GABRA5: variants seen among roughly 807,000 people sequenced by gnomAD.
GABRA5 encodes the protein gamma-aminobutyric acid receptor subunit alpha-5.
In GABRA5, 18 loss-of-function variants were observed where a neutral mutation model predicts 47.3. The ratio of observed to expected loss-of-function variants is 0.38; its 90% confidence interval spans 0.26 to 0.56. The LOEUF is 0.56. Ranked by LOEUF, GABRA5 falls within the 20% of genes least tolerant of loss-of-function variation. The probability of loss-of-function intolerance (pLI) is 0.71; values close to 1 mark genes in which losing one functional copy is unlikely to be tolerated. For synonymous variants in GABRA5, 237 were observed against 229.3 expected (o/e 1.03, Z -0.30); for missense variants, 365 against 599.3 (o/e 0.61, Z 4.08).
At chr15:26,943,052 C>T (rs1266919285) in intron 9 of GABRA5, among the ~76,000 whole-genome samples, 163 bp from the exon 10 acceptor site, 1 of 152,144 alleles carries the variant, frequency 6.6e-6, no homozygotes, top group Non-Finnish European at 1.5e-5. Context: ...CCACTGCACT[C>T]CAGCCTGGGC....
At chr15:26,907,377 G>A (rs1893469917) in intron 6 of GABRA5, among the ~76,000 whole-genome samples, 3 of 152,156 alleles carry the variant, frequency 2.0e-5, no homozygotes, top group African/African-American at 7.2e-5. Context: ...GTATAAAATA[G>A]GTCAATGTAC....
At chr15:26,944,757 G>A (rs1335104321) in intron 10 of GABRA5, among the ~76,000 whole-genome samples, 1 of 152,182 alleles carries the variant, frequency 6.6e-6, no homozygotes, top group Non-Finnish European at 1.5e-5. Context: ...TTGCTGGAAG[G>A]TGCTTGTTTG....
chr15:26,935,686 C>T (rs952477866), intron 7 of GABRA5, among the ~76,000 whole-genome samples: 1 of 152,200 alleles, frequency 6.6e-6, no homozygotes, highest in African/African-American at 2.4e-5. Context: ...CTCATGTCCT[C>T]AGTCTGCCTC....
chr15:26,887,223 A>T (rs1032135224), intron 6 of GABRA5, among the ~76,000 whole-genome samples: 1 of 152,246 alleles, frequency 6.6e-6, no homozygotes, highest in Non-Finnish European at 1.5e-5. Flanking sequence ...AAATTTGGTA[A>T]ATTTTTCAAA....
At chr15:26,904,943 C>T (rs1463202970) in intron 6 of GABRA5, among the ~76,000 whole-genome samples, 1 of 152,072 alleles carries the variant, frequency 6.6e-6, no homozygotes, top group Non-Finnish European at 1.5e-5. Context: ...TTAGGATGTC[C>T]TTTATTTCTT....
intron 6 of GABRA5, among the ~76,000 whole-genome samples, chr15:26,895,779 C>T (rs892680955): frequency 6.9e-6 from 1 of 144,352 alleles, no homozygotes; most frequent in Non-Finnish European, 1.5e-5. Context: ...CGCCACCGCA[C>T]ACTCCAGCCT....
At chr15:26,877,507 G>T (rs759278797) in intron 3 of GABRA5, among the ~76,000 whole-genome samples, 4 of 152,184 alleles carry the variant, frequency 2.6e-5, no homozygotes, top group Non-Finnish European at 4.4e-5. Context: ...CCAGTTCAAG[G>T]TCCAAAGTAA....
At chr15:26,894,701 T>G (rs1893135797) in intron 6 of GABRA5, among the ~76,000 whole-genome samples, 1 of 152,124 alleles carries the variant, frequency 6.6e-6, no homozygotes, top group African/African-American at 2.4e-5. Flanking sequence ...ATGTAGCGCC[T>G]GGCGGTGTGC....
chr15:26,893,423 TATGGTGTGTGGC>T (rs1893088100), intron 6 of GABRA5, among the ~76,000 whole-genome samples: 1 of 151,366 alleles, frequency 6.6e-6, no homozygotes, highest in Non-Finnish European at 1.5e-5. Context: ...GTTGTGTGTG[TATGGTGTGTGGC>T]GTGTGTGTGA....
In GABRA5 at chr15:26,880,924, G is replaced by T; in HGVS notation, c.165G>T (p.Gly55=). ...NITIFTRILD[G]LLDGYDNRLR... Reference sequence around the variant, plus strand: ...CGATATTTACCAGGATCTTGGATGGGCTCTTGGATGGCTACGACAACAGAC... The same window carrying T: ...CGATATTTACCAGGATCTTGGATGGTCTCTTGGATGGCTACGACAACAGAC... Residue 55 remains glycine, a synonymous_variant, in exon 4 of 11, where the codon GGG becomes GGT. Transcript: ENST00000335625. 1 of 1,613,960 alleles carries T rather than the reference G, an allele frequency of 6.2e-7. No homozygotes were observed. The highest frequency in any genetic ancestry group is 8.5e-7 in the Non-Finnish European group (1 of 1,179,876).
At chr15:26,910,070 G>GTTTT (rs5811464) in intron 6 of GABRA5, among the ~76,000 whole-genome samples, 1 of 150,992 alleles carries the variant, frequency 6.6e-6, no homozygotes, top group Non-Finnish European at 1.5e-5. Flanking sequence ...TGAAATAAAT[G>GTTTT]TTTTTTTTTC....
At chr15:26,913,276 C>T (rs1278174895) in intron 6 of GABRA5, among the ~76,000 whole-genome samples, 1 of 152,026 alleles carries the variant, frequency 6.6e-6, no homozygotes, top group African/African-American at 2.4e-5. Flanking sequence ...CTGTGAGTCA[C>T]TCCATCTTTG....
Position 26,867,928 on chromosome 15 carries a change from G to A in GABRA5, c.-139-801G>A, listed in dbSNP as rs1227156707. On this transcript the variant is annotated intron_variant, in intron 1 of 10. Transcript: ENST00000335625. The surrounding 1 kb of genome is among the most constrained non-coding windows in gnomAD (Gnocchi z 5.9). ...AGCGCTTGGCTCGTACCCGGGGCAG[G>A]AGCAGGGGAAGTCTGCGAAAGCCGG... is the stretch of plus-strand genomic sequence containing the variant. The A allele has an allele frequency of 2.0e-5, 3 of 152,122 alleles. No homozygotes were observed. The highest frequency in any genetic ancestry group is 7.2e-5 in the African/African-American group (3 of 41,428). The allele number at this position is 152,122 out of a possible 1,614,324, so 9.4% of individuals were successfully genotyped here.
At chr15:26,927,197 G>A (rs1265253739) in intron 7 of GABRA5, among the ~76,000 whole-genome samples, 4 of 151,436 alleles carry the variant, frequency 2.6e-5, no homozygotes, top group African/African-American at 4.9e-5. Context: ...TCCCCCTCCC[G>A]GGTTCAAGGG....
chr15:26,899,944 C>T (rs1392064189), intron 6 of GABRA5, among the ~76,000 whole-genome samples: 1 of 151,992 alleles, frequency 6.6e-6, no homozygotes, highest in African/African-American at 2.4e-5. Context: ...TTCTATATTG[C>T]TTATTCATTT....
intron 7 of GABRA5, among the ~76,000 whole-genome samples, chr15:26,920,443 A>G (rs760732240): frequency 9.9e-5 from 15 of 151,642 alleles, no homozygotes; most frequent in Admixed American, 2.0e-4. Flanking sequence ...TAACTCCGTG[A>G]TTTCTTTCTG....
At chr15:26,938,100 C>T (rs543940988) in intron 8 of GABRA5, among the ~76,000 whole-genome samples, 1 of 152,374 alleles carries the variant, frequency 6.6e-6, no homozygotes, top group South Asian at 2.1e-4. Context: ...GCTCTGTCAG[C>T]ATAGCTGATT....
At chr15:26,933,569 A>C (rs1321645631) in intron 7 of GABRA5, among the ~76,000 whole-genome samples, 2 of 152,170 alleles carry the variant, frequency 1.3e-5, no homozygotes, top group Non-Finnish European at 2.9e-5. Flanking sequence ...CATTAAGTTC[A>C]TAAATAGTAA....
rs902592448 is a variant in GABRA5 at position 26,876,790 on chromosome 15, C to T, written c.87-4056C>T. Among the ~76,000 whole-genome samples, 8 of 152,042 alleles carry T rather than the reference C, an allele frequency of 5.3e-5. No individual in the cohort carries two copies. The East Asian group carries it at 5.8e-4, about 11-fold the overall frequency. On this transcript the variant is annotated intron_variant, in intron 3 of 10. Transcript: ENST00000335625. ...CTTTTAAAGAGCGGTGGTATTAGAG[C>T]GGATGTGCTTGCTGATGGGCATGGC... is the stretch of plus-strand genomic sequence containing the variant.
Sources: gnomAD v4.1 joint callset for allele counts (sites outside exome capture counted in the v4.1 genomes callset) on GRCh38, gnomAD v4.1.1 for gene constraint, Gnocchi (gnomAD v3.1) non-coding constraint, MANE v1.5 for transcripts, NCBI Gene and HGNC (gene_info 2026-07-23, HGNC 2026-07-21) for gene names.